Variants in VPS13B observed in about 807,000 individuals in gnomAD.
The protein encoded by VPS13B is vacuolar protein sorting 13 homolog B, also known as intermembrane lipid transfer protein VPS13B.
A neutral mutation model predicts 426.4 loss-of-function variants in VPS13B; 285 were observed. The observed-to-expected ratio is 0.67, with a 90% CI of 0.61 to 0.74. VPS13B has a LOEUF of 0.74. Ranked by LOEUF, VPS13B falls within the 30% of genes least tolerant of loss-of-function variation. The pLI, the probability that VPS13B is intolerant of heterozygous loss-of-function variation, is 0.00. For missense variants in VPS13B, 4,537 were observed against 4,782.6 expected, an observed-to-expected ratio of 0.95 and a Z score of 1.51; for synonymous variants, 1,676 against 1,676.4, an observed-to-expected ratio of 1.00 and a Z score of 0.01.
At chr8:99,286,336 TA>T (rs1378597916) in intron 19 of VPS13B, among the ~76,000 whole-genome samples, 1 of 152,218 alleles carries the variant, frequency 6.6e-6, no homozygotes, top group Non-Finnish European at 1.5e-5. Context: ...TTTTTAAATG[TA>T]AAATCATAAC....
rs544446692 is a variant in VPS13B, at chr8:99,705,275, TAAG to T, written c.6454+5349_6454+5351del. Among the ~76,000 whole-genome samples, 518 of 152,246 alleles carry T rather than the reference TAAG, an allele frequency of 3.4e-3. 2 individuals carry two copies. The highest frequency in any genetic ancestry group is 0.012 in the African/African-American group (480 of 41,546). Reference sequence around the variant, plus strand: ...GAATTTCTAAAAATTGGCTGGGAAATAAGAAGAACAAGTAAAATTATCTTAACT... The same window carrying T: ...GAATTTCTAAAAATTGGCTGGGAAATAAGAACAAGTAAAATTATCTTAACT... On this transcript the variant is annotated intron_variant, in intron 36 of 61. Coordinates refer to ENST00000357162, the MANE Select transcript of VPS13B (RefSeq NM_152564.5).
Position 99,180,122 on chromosome 8 carries a change from G to A in VPS13B, c.2333+9959G>A, listed in dbSNP as rs566376458. ...CATTCTTATTTTAAGTAGATGAATT[G>A]TCTGTTTTAAATTAACTTGTCTAGA... On this transcript the variant is annotated intron_variant, in intron 16 of 61. Transcript: ENST00000357162. Among the ~76,000 whole-genome samples, 14 of 152,074 alleles carry A rather than the reference G, an allele frequency of 9.2e-5. No homozygotes were observed. The East Asian group carries it at 1.7e-3, about 19-fold the overall frequency.
intron 55 of VPS13B, among the ~76,000 whole-genome samples, chr8:99,853,023 C>T (rs746457871): frequency 4.6e-5 from 7 of 152,088 alleles, no homozygotes; most frequent in Non-Finnish European, 8.8e-5. Flanking sequence ...CAAGCATGGA[C>T]TCAGGCACGG....
At chr8:99,236,517 T>G (rs1451269645) in intron 17 of VPS13B, among the ~76,000 whole-genome samples, 1 of 152,220 alleles carries the variant, frequency 6.6e-6, no homozygotes, top group African/African-American at 2.4e-5. Flanking sequence ...CCCAAAGTGC[T>G]AGGATTACAG....
chr8:99,215,398 G>T (rs1485940131), intron 17 of VPS13B, among the ~76,000 whole-genome samples: 3 of 152,142 alleles, frequency 2.0e-5, no homozygotes, highest in Non-Finnish European at 4.4e-5. Context: ...ATTTCTGTAT[G>T]CATTCTTATC....
intron 61 of VPS13B, among the ~76,000 whole-genome samples, chr8:99,872,145 C>T (rs1817452833): frequency 6.6e-6 from 1 of 152,156 alleles, no homozygotes; most frequent in Non-Finnish European, 1.5e-5. Context: ...AAGTCAGGTC[C>T]TTGGCTGCCT....
At chr8:99,210,063 G>C (rs1017498180) in intron 17 of VPS13B, among the ~76,000 whole-genome samples, 1 of 152,056 alleles carries the variant, frequency 6.6e-6, no homozygotes, top group African/African-American at 2.4e-5. Context: ...AAATAATTAA[G>C]AATGTGCTAA....
At chr8:99,856,367 A>T (rs1451106729) in intron 56 of VPS13B, among the ~76,000 whole-genome samples, 2 of 152,234 alleles carry the variant, frequency 1.3e-5, no homozygotes, top group Non-Finnish European at 2.9e-5. Context: ...AAATGGGAAG[A>T]TGCTGGAGGC....
intron 23 of VPS13B, among the ~76,000 whole-genome samples, chr8:99,451,198 C>A (rs1818179223): frequency 6.6e-6 from 1 of 152,130 alleles, no homozygotes; most frequent in African/African-American, 2.4e-5. Flanking sequence ...GCACAGCATT[C>A]TAAGGGTGTC....
At chr8:99,655,172 A>G (rs907403286) in intron 34 of VPS13B, among the ~76,000 whole-genome samples, 1 of 152,210 alleles carries the variant, frequency 6.6e-6, no homozygotes, top group Admixed American at 6.5e-5. Flanking sequence ...AAAGCAGTCT[A>G]TTTTGGCTTG....
intron 28 of VPS13B, among the ~76,000 whole-genome samples, chr8:99,510,776 T>A (rs1821750196): frequency 6.6e-6 from 1 of 152,180 alleles, no homozygotes; most frequent in African/African-American, 2.4e-5. Context: ...CCTCCCAAAG[T>A]GTTGGGATTA....
chr8:99,128,881 T>G (rs1809594585), intron 8 of VPS13B, among the ~76,000 whole-genome samples: 1 of 152,206 alleles, frequency 6.6e-6, no homozygotes, highest in Admixed American at 6.5e-5. Context: ...GGCTCACGCC[T>G]GTAATCCCAG....
intron 19 of VPS13B, among the ~76,000 whole-genome samples, chr8:99,285,338 G>A (rs1051562910): frequency 6.6e-6 from 1 of 152,018 alleles, no homozygotes; most frequent in Non-Finnish European, 1.5e-5. Flanking sequence ...GAGCCTTAAG[G>A]GTAACCAGTT....
rs1203186560 is a variant in VPS13B, at chr8:99,098,027, A to G, written c.412+1595A>G. 3.3e-5 allele frequency among the ~76,000 whole-genome samples: 5 copies of G among 152,322 alleles called. No homozygotes were observed. In the East Asian group the frequency reaches 7.7e-4, roughly 23 times the overall value. On this transcript the variant is annotated intron_variant, in intron 4 of 61. Coordinates refer to ENST00000357162, the MANE Select transcript of VPS13B (RefSeq NM_152564.5). ...GAAAAGGAAGTCTTGAGAAATTTCA[A>G]AGCATCACTATCATGTATCTTTCTC...
At chr8:99,869,766 G>C (rs538371840) in intron 59 of VPS13B, among the ~76,000 whole-genome samples, 2 of 152,324 alleles carry the variant, frequency 1.3e-5, no homozygotes, top group Admixed American at 6.5e-5. Context: ...TCACATGGCC[G>C]TTTTGGTTTC....
At chr8:99,808,175 T>C (rs1244347118) in intron 43 of VPS13B, among the ~76,000 whole-genome samples, 1 of 152,202 alleles carries the variant, frequency 6.6e-6, no homozygotes, top group African/African-American at 2.4e-5. Context: ...ATATGTGATA[T>C]GAAAGAAAGA....
chr8:99,684,968 A>C (rs1449805408), intron 35 of VPS13B, among the ~76,000 whole-genome samples: 1 of 151,988 alleles, frequency 6.6e-6, no homozygotes, highest in Non-Finnish European at 1.5e-5. Flanking sequence ...AACCTGGCTA[A>C]TTTTTTGTAT....
intron 17 of VPS13B, among the ~76,000 whole-genome samples, chr8:99,231,707 A>C (rs1452058393): frequency 1.2e-4 from 18 of 152,292 alleles, no homozygotes; most frequent in Admixed American, 1.1e-3. Context: ...TAAGAGAAAC[A>C]CAAGAGCAAG....
chr8:99,665,425 T>A (rs1346986847), intron 35 of VPS13B, among the ~76,000 whole-genome samples: 1 of 152,202 alleles, frequency 6.6e-6, no homozygotes, highest in African/African-American at 2.4e-5. Flanking sequence ...TTGCCTAGGT[T>A]TTCTTCTAGG....
Sources: gnomAD v4.1 joint callset for allele counts (sites outside exome capture counted in the v4.1 genomes callset) on GRCh38, gnomAD v4.1.1 for gene constraint, MANE v1.5 for transcripts, NCBI Gene and HGNC (gene_info 2026-07-23, HGNC 2026-07-21) for gene names.